Variants in WDR41 observed in about 807,000 individuals in gnomAD.
WDR41 encodes the protein WD repeat-containing protein 41.
In WDR41, 63 loss-of-function variants were observed where a neutral mutation model predicts 69.3. That is an observed-to-expected ratio of 0.91 (90% CI 0.74 to 1.12). The LOEUF is 1.12. Ranked by LOEUF, WDR41 falls within the 50% of genes most tolerant of loss-of-function variation. WDR41 has a pLI of 0.00. For synonymous variants in WDR41, 185 were observed against 192.1 expected (o/e 0.96, Z 0.31); for missense variants, 543 against 534.5 (o/e 1.02, Z -0.16).
At chr5:77,459,328 G>T (rs962694217) in intron 4 of WDR41, among the ~76,000 whole-genome samples, 1 of 152,058 alleles carries the variant, frequency 6.6e-6, no homozygotes, top group Non-Finnish European at 1.5e-5. Context: ...TCTAAAATAA[G>T]TTTGAGGTAA....
At chr5:77,525,017 C>T (rs1802425119) in intron 1 of WDR41, among the ~76,000 whole-genome samples, 1 of 152,218 alleles carries the variant, frequency 6.6e-6, no homozygotes, top group Admixed American at 6.5e-5. Context: ...TCACCTATGG[C>T]TTCCCCAGCC....
chr5:77,556,131 G>GTC (rs1216941548), intron 1 of WDR41, among the ~76,000 whole-genome samples: 1 of 126,960 alleles, frequency 7.9e-6, no homozygotes, highest in Non-Finnish European at 1.6e-5. Context: ...TTGAGATGGA[G>GTC]TCTCTCTCTG....
At chr5:77,598,644 C>CT (rs765785617) in intron 1 of WDR41, among the ~76,000 whole-genome samples, 6,016 of 121,198 alleles carry the variant, frequency 0.05, 281 homozygotes, top group African/African-American at 0.068. Flanking sequence ...AGTAAGTTTC[C>CT]TTTTTTTTTT....
chr5:77,491,439 G>T (rs148112431), intron 1 of WDR41, among the ~76,000 whole-genome samples: 2,815 of 152,172 alleles, frequency 0.018, 64 homozygotes, highest in African/African-American at 0.055. Context: ...CTCTTCACAC[G>T]GACGCGCATG....
At position 77,503,949 on chromosome 5, in the gene WDR41, C is replaced by T. The variant is rs1406487615; in HGVS notation, c.43-14377G>A. ...GGAAAGATCTAAAATAGACACCCTACCGTCACAATTAAAAGAACTAGAGAA... is the reference window on the plus strand; with the variant it reads ...GGAAAGATCTAAAATAGACACCCTATCGTCACAATTAAAAGAACTAGAGAA... On this transcript the variant is annotated intron_variant, in intron 1 of 5. Transcript: ENST00000509971. Among the ~76,000 whole-genome samples the T allele has an allele frequency of 1.3e-4, 20 of 152,044 alleles. No individual in the cohort carries two copies. The East Asian group carries it at 3.7e-3, about 28-fold the overall frequency.
intron 4 of WDR41, 100 bp downstream of exon 4, chr5:77,462,995 A>T: frequency 7.5e-7 from 1 of 1,326,186 alleles, no homozygotes; most frequent in South Asian, 1.5e-5. Flanking sequence ...TGCTATAACA[A>T]GAATATACAG....
upstream of WDR41, chr5:77,492,392 G>A: frequency 1.2e-6 from 1 of 825,536 alleles, no homozygotes; most frequent in Non-Finnish European, 1.8e-6. Context: ...GAGAATTTTT[G>A]TCCCCAAAGC....
At chr5:77,487,027 C>T (rs1801555609) in intron 2 of WDR41, among the ~76,000 whole-genome samples, 1 of 152,224 alleles carries the variant, frequency 6.6e-6, no homozygotes, top group Non-Finnish European at 1.5e-5. Context: ...CATTTGTACA[C>T]TAACCATTAT....
chr5:77,458,216 C>A (rs1471281669), intron 5 of WDR41, among the ~76,000 whole-genome samples: 4 of 152,068 alleles, frequency 2.6e-5, no homozygotes, highest in Non-Finnish European at 5.9e-5. Flanking sequence ...TAGTACATGG[C>A]ACTTTCTTCC....
intron 12 of WDR41, among the ~76,000 whole-genome samples, chr5:77,435,732 T>A (rs1798914874): frequency 6.6e-6 from 1 of 152,230 alleles, no homozygotes; most frequent in East Asian, 1.9e-4. Context: ...GTATCTGGAT[T>A]TCTACATGTT....
intron 2 of WDR41, among the ~76,000 whole-genome samples, chr5:77,476,332 G>A (rs1198443000): frequency 6.6e-6 from 1 of 150,936 alleles, no homozygotes; most frequent in African/African-American, 2.4e-5. Flanking sequence ...ACGCCACAAA[G>A]ATACTCCTCG....
At chr5:77,507,119 A>AT (rs1802121271) in intron 1 of WDR41, among the ~76,000 whole-genome samples, 1 of 152,242 alleles carries the variant, frequency 6.6e-6, no homozygotes, top group African/African-American at 2.4e-5. Context: ...AAGGGAGCAC[A>AT]TGTAAATTAG....
At chr5:77,465,648 T>C (rs1009664904) in intron 2 of WDR41, among the ~76,000 whole-genome samples, 10 of 151,922 alleles carry the variant, frequency 6.6e-5, no homozygotes, top group African/African-American at 1.7e-4. Context: ...ATCCACAAGT[T>C]TGTAAATAAT....
At chr5:77,442,485 T>C (rs988025826) in intron 8 of WDR41, among the ~76,000 whole-genome samples, 1 of 152,164 alleles carries the variant, frequency 6.6e-6, no homozygotes, top group African/African-American at 2.4e-5. Flanking sequence ...TGTGGACTGG[T>C]GTTTAATACT....
At chr5:77,444,758 C>T (rs1462714180) in intron 8 of WDR41, among the ~76,000 whole-genome samples, 1 of 152,222 alleles carries the variant, frequency 6.6e-6, no homozygotes, top group Non-Finnish European at 1.5e-5. Flanking sequence ...TGCCTATGTA[C>T]TGCAAGATGA....
rs892471490 is a variant in WDR41, at chr5:77,456,878, C to CT, written c.411+2183dup. On this transcript the variant is annotated intron_variant, in intron 5 of 12. Coordinates refer to ENST00000296679, the MANE Select transcript of WDR41 (RefSeq NM_018268.4). ...CACCAGACCTGGCTAATTCTTCTTT[C>CT]TTTTTTTTTGTAGAGAAGTTTCACC... Among the ~76,000 whole-genome samples the CT allele has an allele frequency of 1.2e-3, 175 of 150,846 alleles. 1 individual carries two copies. The highest frequency in any genetic ancestry group is 3.0e-4 in the Non-Finnish European group (20 of 67,550).
upstream of WDR41, among the ~76,000 whole-genome samples, chr5:77,497,233 G>GA (rs1033725856): frequency 1.6e-4 from 25 of 151,696 alleles, no homozygotes; most frequent in Non-Finnish European, 2.9e-5. Context: ...GGCAACAAAA[G>GA]AAAAAATAAA....
At chr5:77,505,541 A>C (rs1802092296) in intron 1 of WDR41, among the ~76,000 whole-genome samples, 1 of 152,200 alleles carries the variant, frequency 6.6e-6, no homozygotes, top group Non-Finnish European at 1.5e-5. Flanking sequence ...TAAAAAAGTA[A>C]AGTTCATATG....
chr5:77,469,806 T>C (rs1303302447), intron 2 of WDR41, among the ~76,000 whole-genome samples: 1 of 152,124 alleles, frequency 6.6e-6, no homozygotes, highest in African/African-American at 2.4e-5. Flanking sequence ...GTCTGATTGG[T>C]GTAACTGAAA....
Sources: allele counts gnomAD v4.1 joint callset (sites outside exome capture counted in the v4.1 genomes callset), GRCh38; gene constraint gnomAD v4.1.1; transcripts MANE v1.5; gene names NCBI Gene and HGNC (gene_info 2026-07-23, HGNC 2026-07-21).